The following BEND7 variants were observed in gnomAD, a reference collection of about 807,000 sequenced individuals.
The protein encoded by BEND7 is BEN domain-containing protein 7.
Under a neutral mutation model 50.9 loss-of-function variants are expected in BEND7, and 28 were observed. The ratio of observed to expected loss-of-function variants is 0.55; its 90% confidence interval spans 0.41 to 0.75. BEND7 has a LOEUF of 0.75. Among genes scored for constraint, BEND7 ranks in the 30% least tolerant of loss-of-function variants. The pLI is 0.00. For synonymous variants in BEND7, 170 were observed against 183.9 expected, an observed-to-expected ratio of 0.92 and a Z score of 0.61; for missense variants, 477 against 491.3, an observed-to-expected ratio of 0.97 and a Z score of 0.28.
intron 5 of BEND7, among the ~76,000 whole-genome samples, chr10:13,486,566 C>T (rs554405066): frequency 2.0e-5 from 3 of 152,212 alleles, no homozygotes; most frequent in Admixed American, 1.3e-4. Context: ...AAAAATGCTC[C>T]GCCAAAAGTC....
At chr10:13,502,792 C>A in intron 2 of BEND7, 1 of 556,056 alleles carries the variant, frequency 1.8e-6, no homozygotes, top group South Asian at 8.0e-5. Flanking sequence ...AGGTTGGTGG[C>A]CGCCACCCCT....
At chr10:13,528,285 C>CCCCCCGCACAACTT (rs2079555003) in intron 1 of BEND7, among the ~76,000 whole-genome samples, 188 bp downstream of exon 1, 1 of 151,696 alleles carries the variant, frequency 6.6e-6, no homozygotes, top group Non-Finnish European at 1.5e-5. Flanking sequence ...CATCCCTGCT[C>CCCCCCGCACAACTT]CCCCCGCACA....
chr10:13,484,783 C>T (rs1286999653), intron 5 of BEND7, among the ~76,000 whole-genome samples: 3 of 152,186 alleles, frequency 2.0e-5, no homozygotes, highest in African/African-American at 7.2e-5. Flanking sequence ...AGTTGGGAGT[C>T]TGAATTCCTA....
chr10:13,513,400 G>A (rs1369948601), intron 2 of BEND7, among the ~76,000 whole-genome samples: 1 of 152,148 alleles, frequency 6.6e-6, no homozygotes, highest in Non-Finnish European at 1.5e-5. Context: ...TTGCTTACCA[G>A]ATAGCCTCAC....
intron 2 of BEND7, among the ~76,000 whole-genome samples, chr10:13,509,652 G>A (rs945251561): frequency 6.6e-6 from 1 of 152,210 alleles, no homozygotes; most frequent in African/African-American, 2.4e-5. Context: ...GACTGGAGGT[G>A]GTCAATAAAC....
intron 6 of BEND7, among the ~76,000 whole-genome samples, chr10:13,469,158 G>A (rs2074548461): frequency 6.6e-6 from 1 of 152,170 alleles, no homozygotes; most frequent in South Asian, 2.1e-4. Flanking sequence ...GTCATCCAAG[G>A]GGTAGGGCTG....
intron 2 of BEND7, among the ~76,000 whole-genome samples, chr10:13,516,940 T>C (rs371899915): frequency 2.6e-5 from 4 of 152,178 alleles, no homozygotes; most frequent in Non-Finnish European, 5.9e-5. Flanking sequence ...TCAGTGTCCA[T>C]TGAAGATTTT....
At chr10:13,468,732 C>T (rs901130933) in intron 6 of BEND7, among the ~76,000 whole-genome samples, 6 of 152,068 alleles carry the variant, frequency 3.9e-5, no homozygotes, top group African/African-American at 1.4e-4. Context: ...AGAGGAGGGA[C>T]AAAAGGAGTT....
At chr10:13,514,997 A>C (rs2078560055) in intron 2 of BEND7, among the ~76,000 whole-genome samples, 2 of 152,224 alleles carry the variant, frequency 1.3e-5, no homozygotes, top group African/African-American at 4.8e-5. Flanking sequence ...CTATAAAAAT[A>C]AATTGTTAAG....
At chr10:13,521,479 ATC>A (rs2079074946) in intron 2 of BEND7, among the ~76,000 whole-genome samples, 1 of 152,218 alleles carries the variant, frequency 6.6e-6, no homozygotes, top group South Asian at 2.1e-4. Flanking sequence ...ACTCCTGGTC[ATC>A]TGTCCCATTC....
At chr10:13,528,387 A>C (rs1333473277) in intron 1 of BEND7, 86 bp downstream of exon 1, 1 of 572,602 alleles carries the variant, frequency 1.7e-6, no homozygotes, top group Non-Finnish European at 2.2e-6. Context: ...GGGCTCCGGG[A>C]GGGCGCGCCC....
At chr10:13,439,518 T>A, downstream of BEND7, 1 of 1,548,822 alleles carries the variant, frequency 6.5e-7, no homozygotes. Flanking sequence ...AATGAATGAG[T>A]GAATGAATGA....
intron 8 of BEND7, chr10:13,444,548 G>A (rs1312270264): frequency 6.6e-6 from 1 of 152,168 alleles, no homozygotes; most frequent in African/African-American, 2.4e-5. Flanking sequence ...AGATAAATGG[G>A]ATAATGAGAG....
chr10:13,521,091 C>T lies in BEND7; in HGVS notation c.145+5047G>A, dbSNP rs75549160. Among the ~76,000 whole-genome samples the T allele has an allele frequency of 5.1e-3, 772 of 152,218 alleles. 14 individuals carry two copies. The South Asian group carries it at 0.073, about 14-fold the overall frequency. Reference sequence around the variant, plus strand: ...AAAACAGTGACTGGGGGCGCCCTAACATTCTGCAGAGGCCCACAGAGGAAT... The same window carrying T: ...AAAACAGTGACTGGGGGCGCCCTAATATTCTGCAGAGGCCCACAGAGGAAT... On this transcript the variant is annotated intron_variant, in intron 2 of 8. Transcript: ENST00000466271.
At chr10:13,467,206 A>G (rs1411298834) in intron 6 of BEND7, among the ~76,000 whole-genome samples, 1 of 152,208 alleles carries the variant, frequency 6.6e-6, no homozygotes, top group African/African-American at 2.4e-5. Context: ...TGAGGCTGAC[A>G]GGAGTTCTCA....
chr10:13,492,797 T>C lies in BEND7; in HGVS notation c.651A>G (p.Lys217=). 6.2e-7 allele frequency: 1 copy of C among 1,608,468 alleles called. No individual in the cohort carries two copies. Among genetic ancestry groups the C allele is most frequent in the Non-Finnish European group, 8.5e-7 (1 of 1,178,864 alleles). Residue 217 remains lysine (K), a synonymous_variant, in exon 5 of 9, where the codon AAA becomes AAG. Transcript: ENST00000466271. ...QRTAVSRKRN[K]KKKVPPKTVE... ...CAGTCTTTGGGGGCACTTTTTTCTT[T>C]TTATTTCTCTTTCGTGAGACAGCAG...
chr10:13,466,133 C>T (rs1041394984), intron 6 of BEND7, among the ~76,000 whole-genome samples: 2 of 151,856 alleles, frequency 1.3e-5, no homozygotes, highest in African/African-American at 4.8e-5. Flanking sequence ...TTGTTTAACA[C>T]AGTTGGTATA....
chr10:13,480,092 A>C (rs549958573), intron 6 of BEND7, among the ~76,000 whole-genome samples: 1 of 152,082 alleles, frequency 6.6e-6, no homozygotes, highest in African/African-American at 2.4e-5. Context: ...TTTTTCATGG[A>C]GTTGTGTTTA....
intron 6 of BEND7, among the ~76,000 whole-genome samples, chr10:13,476,037 A>G (rs1239262253): frequency 6.6e-6 from 1 of 152,216 alleles, no homozygotes; most frequent in African/African-American, 2.4e-5. Context: ...AATCGATGCA[A>G]ATTCCACCCC....
Sources: allele counts gnomAD v4.1 joint callset (sites outside exome capture counted in the v4.1 genomes callset), GRCh38; gene constraint gnomAD v4.1.1; transcripts MANE v1.5; gene names NCBI Gene and HGNC (gene_info 2026-07-23, HGNC 2026-07-21).